Variants in SLC24A3 observed in about 807,000 individuals in gnomAD.
The protein encoded by SLC24A3 is solute carrier family 24 member 3.
Under a neutral mutation model 75.8 loss-of-function variants are expected in SLC24A3, and 28 were observed. The ratio of observed to expected loss-of-function variants is 0.37; its 90% CI spans 0.27 to 0.51. The LOEUF is 0.51. SLC24A3 is among the 20% of genes least tolerant of loss of function. The probability of loss-of-function intolerance (pLI) is 0.94; values close to 1 mark genes in which losing one functional copy is unlikely to be tolerated. For missense variants in SLC24A3, 663 were observed against 847.8 expected (o/e 0.78, Z 2.71); for synonymous variants, 372 against 334.1 (o/e 1.11, Z -1.24).
At chr20:19,616,795 A>G (rs973839669) in intron 6 of SLC24A3, among the ~76,000 whole-genome samples, 9 of 152,220 alleles carry the variant, frequency 5.9e-5, no homozygotes, top group African/African-American at 1.9e-4. Flanking sequence ...CTCTTCAGCC[A>G]AGAGCCCAAA....
At chr20:19,640,512 G>A (rs1027918781) in intron 6 of SLC24A3, among the ~76,000 whole-genome samples, 11 of 152,050 alleles carry the variant, frequency 7.2e-5, no homozygotes, top group African/African-American at 2.7e-4. Context: ...CACTTTGGGA[G>A]GCCAAGGAGG....
chr20:19,516,612 G>C (rs1406948235), intron 3 of SLC24A3, among the ~76,000 whole-genome samples: 2 of 152,210 alleles, frequency 1.3e-5, no homozygotes, highest in Non-Finnish European at 2.9e-5. Context: ...TATGTGGGGT[G>C]GGATGGCTGA....
chr20:19,445,143 A>C (rs1987358848), intron 2 of SLC24A3, among the ~76,000 whole-genome samples: 1 of 152,216 alleles, frequency 6.6e-6, no homozygotes, highest in South Asian at 2.1e-4. Flanking sequence ...AATCCAGTAC[A>C]GCGTTACACA....
Position 19,579,860 on chromosome 20 carries a change from T to C in SLC24A3, c.349-140T>C, listed in dbSNP as rs2031194183. The C allele has an allele frequency of 2.3e-5, 15 of 643,886 alleles. No individual in the cohort carries two copies. The South Asian group carries it at 2.8e-4, about 12-fold the overall frequency. 39.9% of individuals were successfully genotyped at this position (643,886 alleles called of 1,614,324 possible). On this transcript the variant is annotated intron_variant, in intron 3 of 16. Coordinates refer to ENST00000328041, the MANE Select transcript of SLC24A3 (RefSeq NM_020689.4). ...GGGACCAGGTCACAGGAGAGTGTTG[T>C]GGGCATTGGAAAGACTTGGTATTTA... is the stretch of plus-strand genomic sequence containing the variant.
At chr20:19,713,289 T>C (rs1360501911) in intron 15 of SLC24A3, among the ~76,000 whole-genome samples, 1 of 152,212 alleles carries the variant, frequency 6.6e-6, no homozygotes, top group Non-Finnish European at 1.5e-5. Flanking sequence ...CTTTCCTGAA[T>C]GCTTGAAAAC....
chr20:19,435,582 G>A (rs779418404), intron 2 of SLC24A3, among the ~76,000 whole-genome samples: 4 of 152,184 alleles, frequency 2.6e-5, no homozygotes, highest in Non-Finnish European at 2.9e-5. Context: ...AGGGCAATTA[G>A]TATGTGCTTA....
chr20:19,512,872 T>G (rs1448051914), intron 2 of SLC24A3, among the ~76,000 whole-genome samples: 1 of 152,216 alleles, frequency 6.6e-6, no homozygotes, highest in Non-Finnish European at 1.5e-5. Flanking sequence ...TACCCCTCGT[T>G]GATGATTGGG....
chr20:19,444,215 C>T (rs1056917165), intron 2 of SLC24A3, among the ~76,000 whole-genome samples: 1 of 151,972 alleles, frequency 6.6e-6, no homozygotes, highest in East Asian at 1.9e-4. Context: ...TTTTATATAC[C>T]TCATTGGATT....
At chr20:19,563,807 T>C (rs1363587351) in intron 3 of SLC24A3, among the ~76,000 whole-genome samples, 1 of 152,196 alleles carries the variant, frequency 6.6e-6, no homozygotes, top group Non-Finnish European at 1.5e-5. Context: ...GTCTTGTATC[T>C]TTTAAAAGCA....
At chr20:19,599,080 GTTC>G (rs987517106) in intron 6 of SLC24A3, among the ~76,000 whole-genome samples, 10 of 152,148 alleles carry the variant, frequency 6.6e-5, no homozygotes, top group African/African-American at 2.4e-4. Flanking sequence ...CATGGTGTCG[GTTC>G]TTCTTTCTTC....
chr20:19,272,732 C>T (rs973191258), intron 1 of SLC24A3, among the ~76,000 whole-genome samples: 3 of 152,226 alleles, frequency 2.0e-5, no homozygotes, highest in African/African-American at 7.2e-5. Flanking sequence ...TGCCTCCCTC[C>T]TCCCTTGGTG....
chr20:19,674,907 G>A (rs1292260212), intron 9 of SLC24A3, among the ~76,000 whole-genome samples: 1 of 152,098 alleles, frequency 6.6e-6, no homozygotes, highest in African/African-American at 2.4e-5. Context: ...ACAAAAATTA[G>A]CCAGGCGTGG....
At chr20:19,473,059 A>G (rs1987901563) in intron 2 of SLC24A3, among the ~76,000 whole-genome samples, 1 of 152,182 alleles carries the variant, frequency 6.6e-6, no homozygotes, top group Non-Finnish European at 1.5e-5. Context: ...AGAGGCCGCT[A>G]TGCATCTGAT....
chr20:19,698,357 A>C (rs780539612), intron 14 of SLC24A3, among the ~76,000 whole-genome samples: 11 of 152,240 alleles, frequency 7.2e-5, no homozygotes, highest in Non-Finnish European at 1.6e-4. Flanking sequence ...CAGTGATGAT[A>C]TTTGAAGTAA....
chr20:19,443,048 G>A (rs75867415), intron 2 of SLC24A3, among the ~76,000 whole-genome samples: 9,659 of 152,212 alleles, frequency 0.063, 966 homozygotes, highest in African/African-American at 0.21. Flanking sequence ...CCATTAGTCT[G>A]TCTTTGCTTT....
At chr20:19,377,142 T>C (rs1243963517) in intron 2 of SLC24A3, among the ~76,000 whole-genome samples, 1 of 152,206 alleles carries the variant, frequency 6.6e-6, no homozygotes, top group African/African-American at 2.4e-5. Context: ...CTCAGCCAAG[T>C]TGGGCATTTG....
chr20:19,661,520 G>A (rs536037015), intron 7 of SLC24A3, among the ~76,000 whole-genome samples: 16 of 152,288 alleles, frequency 1.1e-4, no homozygotes, highest in Admixed American at 1.0e-3. Context: ...TATTGAGTGG[G>A]AAAAGTCTAC....
chr20:19,354,064 A>G (rs1299311950), intron 2 of SLC24A3, among the ~76,000 whole-genome samples: 3 of 152,206 alleles, frequency 2.0e-5, no homozygotes, highest in African/African-American at 7.2e-5. Context: ...ATGTCCTCCA[A>G]CTGGTAAATG....
intron 6 of SLC24A3, among the ~76,000 whole-genome samples, chr20:19,617,835 C>T (rs931277598): frequency 6.6e-6 from 1 of 152,070 alleles, no homozygotes; most frequent in African/African-American, 2.4e-5. Context: ...TTCCAGTCCA[C>T]GGTTCAGACG....
Sources: gnomAD v4.1 joint callset for allele counts (sites outside exome capture counted in the v4.1 genomes callset) on GRCh38, gnomAD v4.1.1 for gene constraint, MANE v1.5 for transcripts, NCBI Gene and HGNC (gene_info 2026-07-23, HGNC 2026-07-21) for gene names.